The following C1QL1 variants were observed in gnomAD, a reference collection of about 807,000 sequenced individuals.
The protein encoded by C1QL1 is C1q-related factor.
In C1QL1, 15 loss-of-function variants were observed where a neutral mutation model predicts 14.2. That is an observed-to-expected ratio of 1.06 (90% CI 0.71 to 1.62). The LOEUF is 1.62. Ranked by LOEUF, C1QL1 falls within the 40% of genes most tolerant of loss-of-function variation. The pLI, the probability that C1QL1 is intolerant of heterozygous loss-of-function variation, is 0.00. For synonymous variants in C1QL1, 172 were observed against 172.4 expected (o/e 1.00, Z 0.02); for missense variants, 346 against 380.3 (o/e 0.91, Z 0.75).
In C1QL1 at chr17:44,967,779, G is replaced by A. The variant is rs1174375306; in HGVS notation, c.270C>T (p.Pro90=). 4.0e-6 allele frequency: 6 copies of A among 1,509,056 alleles called. No individual in the cohort carries two copies. The African/African-American group carries it at 5.7e-5, about 14-fold the overall frequency. 93.5% of individuals were successfully genotyped at this position (1,509,056 alleles called of 1,614,324 possible). A position where few individuals can be genotyped will look rare whatever the true frequency, so the allele number is the denominator to read the frequency against. Residue 90 remains proline (P), a synonymous_variant, in exon 1 of 2, where the codon CCC becomes CCT. Transcript: ENST00000253407. This position sits in a 1 kb window ranked among gnomAD's most constrained non-coding sequence, Gnocchi z 7.0. ...PPGPPGDPGP[P]GPVGPPGEKG... is the part of the protein sequence containing the mutation. ...TCTCCCCCGGCGGCCCCACAGGGCC[G>A]GGAGGACCTGGGTCCCCGGGAGGCC... is the stretch of plus-strand genomic sequence containing the variant.
Position 44,967,833 on chromosome 17 carries a change from C to T in C1QL1, c.216G>A (p.Pro72=). 3 of 1,385,726 alleles carry T rather than the reference C, an allele frequency of 2.2e-6. No homozygotes were observed. The highest frequency in any genetic ancestry group is 2.8e-6 in the Non-Finnish European group (3 of 1,082,252). The allele number at this position is 1,385,726 out of a possible 1,614,324, so 85.8% of individuals were successfully genotyped here. ...STLVQGPQGK[P]GRTGKPGPPG... The stretch of plus-strand genomic sequence containing the variant: ...GAGGGCCGGGCTTGCCGGTGCGGCC[C>T]GGCTTCCCCTGGGGGCCCTGCACCA... Residue 72 remains proline (P), a synonymous_variant, in exon 1 of 2, where the codon CCG becomes CCA. Coordinates refer to ENST00000253407, the MANE Select transcript of C1QL1 (RefSeq NM_006688.5). This position sits in a 1 kb window ranked among gnomAD's most constrained non-coding sequence, Gnocchi z 7.0.
chr17:44,966,573 G>A (rs1793277058), intron 1 of C1QL1, among the ~76,000 whole-genome samples: 1 of 152,056 alleles, frequency 6.6e-6, no homozygotes, highest in South Asian at 2.1e-4. Flanking sequence ...TCCTGGGGTC[G>A]GCCATTCCAA....
chr17:44,968,161 G>A lies in C1QL1; in HGVS notation c.-113C>T. 1 of 492,462 alleles carries A rather than the reference G, an allele frequency of 2.0e-6. No individual in the cohort carries two copies. The highest frequency in any genetic ancestry group is 2.8e-6 in the Non-Finnish European group (1 of 352,004). 30.5% of individuals were successfully genotyped at this position (492,462 alleles called of 1,614,324 possible). ...AATGGTGCCGGCGGGCAGGGGGCGC[G>A]GGCTAGGCGCCCGCGCTCAAGGACG... is the stretch of plus-strand genomic sequence containing the variant. On this transcript the variant is annotated 5_prime_UTR_variant, in exon 1 of 2. Transcript: ENST00000253407.
intron 1 of C1QL1, among the ~76,000 whole-genome samples, chr17:44,963,301 A>G (rs1410026618): frequency 6.6e-6 from 1 of 151,082 alleles, no homozygotes; most frequent in Non-Finnish European, 1.5e-5. Flanking sequence ...GCATTTTCAT[A>G]CATACATTAA....
intron 1 of C1QL1, among the ~76,000 whole-genome samples, chr17:44,962,760 T>G (rs1567809071): frequency 6.6e-6 from 1 of 152,236 alleles, no homozygotes. Context: ...TAGCCTTAAC[T>G]CATTAAAACA....
intron 1 of C1QL1, among the ~76,000 whole-genome samples, chr17:44,965,263 C>T (rs1209741525): frequency 2.0e-5 from 3 of 152,156 alleles, no homozygotes; most frequent in African/African-American, 4.8e-5. Flanking sequence ...CCACTTGCCT[C>T]GGCCTCCCAA....
intron 1 of C1QL1, among the ~76,000 whole-genome samples, chr17:44,961,184 G>A (rs1288480238): frequency 6.6e-6 from 1 of 152,212 alleles, no homozygotes; most frequent in Non-Finnish European, 1.5e-5. Flanking sequence ...ATCCTTGCTG[G>A]TCCCTGCCTT....
At chr17:44,960,440 C>G in intron 1 of C1QL1, 73 bp from the exon 2 acceptor site, 1 of 1,090,382 alleles carries the variant, frequency 9.2e-7, no homozygotes, top group East Asian at 2.4e-5. Context: ...GAGGCAGTCC[C>G]GTGGGGGAGG....
rs2143031823 is a variant in C1QL1 at position 44,968,233 on chromosome 17, G to C, written c.-185C>G. On this transcript the variant is annotated 5_prime_UTR_variant, in exon 1 of 2. Transcript: ENST00000253407. ...GGGGCCGGGCCCGGGGCGCCGCGCT[G>C]CGCTGGCTGCGCTGCGGAGCCCAGC... is the stretch of plus-strand genomic sequence containing the variant. 6.8e-6 allele frequency among the ~76,000 whole-genome samples: 1 copy of C among 147,694 alleles called. No homozygotes were observed. The highest frequency in any genetic ancestry group is 2.1e-4 in the South Asian group (1 of 4,804).
chr17:44,963,410 G>A lies in C1QL1; in HGVS notation c.598-3043C>T, dbSNP rs533797431. Among the ~76,000 whole-genome samples the A allele has an allele frequency of 2.6e-5, 4 of 152,032 alleles. No individual in the cohort carries two copies. In the East Asian group the frequency reaches 7.7e-4, roughly 29 times the overall value. ...GGCCATCTGCCACCACCAGGGGAGAGGCTGATCTCCTTAGGTCTTTTTTCT... is the reference window on the plus strand; with the variant it reads ...GGCCATCTGCCACCACCAGGGGAGAAGCTGATCTCCTTAGGTCTTTTTTCT... On this transcript the variant is annotated intron_variant, in intron 1 of 1. Coordinates refer to ENST00000253407, the MANE Select transcript of C1QL1 (RefSeq NM_006688.5).
At chr17:44,965,015 A>ATT (rs564042405) in intron 1 of C1QL1, among the ~76,000 whole-genome samples, 5 of 132,736 alleles carry the variant, frequency 3.8e-5, no homozygotes, top group Admixed American at 7.5e-5. Context: ...TAATGTTTGT[A>ATT]TTTTTTTTTT....
chr17:44,961,035 T>C (rs891106265), intron 1 of C1QL1, among the ~76,000 whole-genome samples: 4 of 152,238 alleles, frequency 2.6e-5, no homozygotes. Flanking sequence ...TCCATGGAGC[T>C]GTAGCTATGT....
chr17:44,964,824 C>T (rs2981585), intron 1 of C1QL1, among the ~76,000 whole-genome samples: 95,476 of 151,872 alleles, frequency 0.63, 31,910 homozygotes, highest in African/African-American at 0.87. Context: ...CTTTTCTTTT[C>T]GTTTTTATCT....
rs1226258784 is a variant in C1QL1 at position 44,968,005 on chromosome 17, G to A, written c.44C>T (p.Ser15Leu). 7.2e-7 allele frequency: 1 copy of A among 1,389,002 alleles called. No individual in the cohort carries two copies. The highest frequency in any genetic ancestry group is 9.4e-7 in the Non-Finnish European group (1 of 1,067,414). The allele number at this position is 1,389,002 out of a possible 1,614,324, so 86.0% of individuals were successfully genotyped here. Residue 15 changes from serine (S) to leucine (L), a missense_variant, in exon 1 of 2, where the codon TCG (serine) becomes TTG (leucine). Transcript: ENST00000253407. ...LVVLIPVLVS[S>L]GGPEGHYEML... ...CTCATAGTGGCCTTCCGGGCCGCCCGAGCTCACCAGCACGGGGATGAGCAC... is the reference window on the plus strand; with the variant it reads ...CTCATAGTGGCCTTCCGGGCCGCCCAAGCTCACCAGCACGGGGATGAGCAC...
At chr17:44,963,046 G>A (rs3024286) in intron 1 of C1QL1, among the ~76,000 whole-genome samples, 5,220 of 152,308 alleles carry the variant, frequency 0.034, 141 homozygotes, top group South Asian at 0.1. Flanking sequence ...GGTCCAAGGG[G>A]AAGTGTGGGG....
rs548601791 is a variant in C1QL1 at position 44,968,110 on chromosome 17, G to T, written c.-62C>A. On this transcript the variant is annotated 5_prime_UTR_variant, in exon 1 of 2. Transcript: ENST00000253407. ...GCCCGCGCGGAGCCTGGGGAGCGCC[G>T]GGCCGCCCGGCCGCGCCGTCGGGGC... 2.7e-6 allele frequency: 3 copies of T among 1,098,002 alleles called. No individual in the cohort carries two copies. Among genetic ancestry groups the T allele is most frequent in the African/African-American group, 3.3e-5 (2 of 60,472 alleles). 68.0% of individuals were successfully genotyped at this position (1,098,002 alleles called of 1,614,324 possible).
chr17:44,967,473 T>G lies in C1QL1; in HGVS notation c.576A>C (p.Ala192=). 6.2e-7 allele frequency: 1 copy of G among 1,613,864 alleles called. No homozygotes were observed. Among genetic ancestry groups the G allele is most frequent in the Non-Finnish European group, 8.5e-7 (1 of 1,179,890 alleles). The change falls in exon 1 of 2, where the codon GCA becomes GCC. Residue 192 remains alanine, a synonymous_variant. Coordinates refer to ENST00000253407, the MANE Select transcript of C1QL1 (RefSeq NM_006688.5). The surrounding 1 kb of genome is among the most constrained non-coding windows in gnomAD (Gnocchi z 7.0). ...MRGGDGTSMW[A]DLCKNGQVRA... is the part of the protein sequence containing the mutation. ...CCACCTGGCCATTCTTGCAGAGGTC[T>G]GCCCACATACTGGTGCCGTCGCCGC...
chr17:44,959,859 C>G lies in C1QL1; in HGVS notation c.*329G>C. The G allele has an allele frequency of 3.9e-6, 1 of 254,620 alleles. No individual in the cohort carries two copies. Among genetic ancestry groups the G allele is most frequent in the Non-Finnish European group, 7.4e-6 (1 of 134,686 alleles). 15.8% of individuals were successfully genotyped at this position (254,620 alleles called of 1,614,324 possible). A position where few individuals can be genotyped will look rare whatever the true frequency, so the allele number is the denominator to read the frequency against. On this transcript the variant is annotated 3_prime_UTR_variant, in exon 2 of 2. Coordinates refer to ENST00000253407, the MANE Select transcript of C1QL1 (RefSeq NM_006688.5). ...CATCTCAGAGCGCAGGAAGCAAACC[C>G]GCCGCCGCGACCTCTCCCCAGGCTG...
intron 1 of C1QL1, 54 bp from the exon 2 acceptor site, chr17:44,960,421 G>A: frequency 7.5e-7 from 1 of 1,327,964 alleles, no homozygotes; most frequent in Non-Finnish European, 1.1e-6. Flanking sequence ...GATGAGAAGG[G>A]AGGGAGGTGA....
Sources: gnomAD v4.1 joint callset for allele counts (sites outside exome capture counted in the v4.1 genomes callset) on GRCh38, gnomAD v4.1.1 for gene constraint, Gnocchi (gnomAD v3.1) non-coding constraint, MANE v1.5 for transcripts, NCBI Gene and HGNC (gene_info 2026-07-23, HGNC 2026-07-21) for gene names.